The following GRIN3A variants were observed in gnomAD, a reference collection of about 807,000 sequenced individuals.
GRIN3A encodes the protein glutamate ionotropic receptor NMDA type subunit 3A, also known as glutamate receptor ionotropic, NMDA 3A.
A neutral mutation model predicts 92.4 loss-of-function variants in GRIN3A; 47 were observed. The observed-to-expected ratio is 0.51, with a 90% CI of 0.40 to 0.65. GRIN3A has a LOEUF of 0.65. GRIN3A is among the 30% of genes least tolerant of loss of function. The pLI is 0.00. For synonymous variants in GRIN3A, 527 were observed against 540.6 expected (o/e 0.97, Z 0.35); for missense variants, 1,324 against 1,393.1 (o/e 0.95, Z 0.79).
chr9:101,703,362 T>C (rs1250451949), intron 1 of GRIN3A, among the ~76,000 whole-genome samples: 1 of 152,198 alleles, frequency 6.6e-6, no homozygotes, highest in Non-Finnish European at 1.5e-5. Flanking sequence ...TAGATCACTA[T>C]GCGGCTGATT....
intron 6 of GRIN3A, among the ~76,000 whole-genome samples, chr9:101,580,160 C>T (rs1395754467): frequency 6.6e-6 from 1 of 152,176 alleles, no homozygotes; most frequent in Non-Finnish European, 1.5e-5. Flanking sequence ...TCAGCCACCC[C>T]ACTCAGCATA....
At chr9:101,717,489 A>G (rs1829962177) in intron 1 of GRIN3A, among the ~76,000 whole-genome samples, 1 of 152,194 alleles carries the variant, frequency 6.6e-6, no homozygotes. Flanking sequence ...AAACCTAAAG[A>G]GTCGTACTTA....
chr9:101,584,767 A>G (rs1827929425), intron 6 of GRIN3A, among the ~76,000 whole-genome samples: 1 of 152,236 alleles, frequency 6.6e-6, no homozygotes, highest in East Asian at 1.9e-4. Context: ...AGTAACATGT[A>G]TAGGATAAGA....
chr9:101,609,099 T>A (rs975715971), intron 6 of GRIN3A, among the ~76,000 whole-genome samples: 3 of 152,228 alleles, frequency 2.0e-5, no homozygotes, highest in African/African-American at 7.2e-5. Flanking sequence ...GATTTGACCC[T>A]GTGTTTCAAG....
chr9:101,658,816 T>C (rs1313981045), intron 3 of GRIN3A, among the ~76,000 whole-genome samples: 1 of 149,374 alleles, frequency 6.7e-6, no homozygotes, highest in Non-Finnish European at 1.5e-5. Flanking sequence ...AGTAGGCTTG[T>C]ATTCAGTTGT....
chr9:101,659,990 C>G (rs1476425254), intron 3 of GRIN3A, among the ~76,000 whole-genome samples: 1 of 151,840 alleles, frequency 6.6e-6, no homozygotes, highest in Non-Finnish European at 1.5e-5. Flanking sequence ...CCTATGGTTT[C>G]TTGAATTGGA....
At chr9:101,583,425 C>G (rs1173152894) in intron 6 of GRIN3A, among the ~76,000 whole-genome samples, 1 of 152,168 alleles carries the variant, frequency 6.6e-6, no homozygotes, top group African/African-American at 2.4e-5. Context: ...AGCGGTTCCT[C>G]CCCTAGGATC....
intron 3 of GRIN3A, among the ~76,000 whole-genome samples, chr9:101,654,513 A>G (rs922272520): frequency 6.6e-6 from 1 of 151,604 alleles, no homozygotes; most frequent in African/African-American, 2.4e-5. Flanking sequence ...TATACAAATT[A>G]TTTTCTGATC....
At chr9:101,580,844 T>G (rs932571142) in intron 6 of GRIN3A, among the ~76,000 whole-genome samples, 1 of 152,224 alleles carries the variant, frequency 6.6e-6, no homozygotes, top group African/African-American at 2.4e-5. Flanking sequence ...CTCTTTCTGC[T>G]CTACTGCTAT....
chr9:101,649,102 G>A (rs1348609679), intron 3 of GRIN3A, among the ~76,000 whole-genome samples: 2 of 151,958 alleles, frequency 1.3e-5, no homozygotes, highest in Non-Finnish European at 2.9e-5. Flanking sequence ...AAGCACCAGA[G>A]CTCAAAAGCT....
intron 6 of GRIN3A, among the ~76,000 whole-genome samples, chr9:101,597,034 CTG>C (rs1299185350): frequency 1.3e-5 from 2 of 152,236 alleles, no homozygotes; most frequent in Non-Finnish European, 2.9e-5. Flanking sequence ...ATTGACCTCT[CTG>C]TGCCTTTCAC....
intron 6 of GRIN3A, among the ~76,000 whole-genome samples, chr9:101,583,141 T>C (rs771575385): frequency 3.3e-5 from 5 of 152,210 alleles, no homozygotes; most frequent in Non-Finnish European, 7.3e-5. Context: ...TAACCTTACT[T>C]ACCCAAGATC....
chr9:101,639,524 T>A (rs1283194002), intron 3 of GRIN3A, among the ~76,000 whole-genome samples: 2 of 152,194 alleles, frequency 1.3e-5, no homozygotes, highest in African/African-American at 4.8e-5. Context: ...CCCTGCAGAC[T>A]GAGCAGGCAG....
intron 3 of GRIN3A, among the ~76,000 whole-genome samples, chr9:101,643,456 G>C (rs1564133646): frequency 6.6e-6 from 1 of 152,160 alleles, no homozygotes; most frequent in East Asian, 1.9e-4. Context: ...CAGTGGTATT[G>C]TAAAATGATT....
chr9:101,708,040 A>C (rs1371343869), intron 1 of GRIN3A, among the ~76,000 whole-genome samples: 3 of 152,214 alleles, frequency 2.0e-5, no homozygotes, highest in Non-Finnish European at 4.4e-5. Context: ...GGTAAGGGCC[A>C]GTCTATGGAA....
At chr9:101,574,271 A>T (rs1298981672) in intron 8 of GRIN3A, among the ~76,000 whole-genome samples, 2 of 152,214 alleles carry the variant, frequency 1.3e-5, no homozygotes, top group African/African-American at 4.8e-5. Flanking sequence ...CCAAATAGTC[A>T]CAGGGGAAGG....
chr9:101,703,746 A>G (rs1158669236), intron 1 of GRIN3A, among the ~76,000 whole-genome samples: 1 of 152,158 alleles, frequency 6.6e-6, no homozygotes, highest in East Asian at 1.9e-4. Context: ...ATTTCTCAGA[A>G]ATTGTCCTTG....
At position 101,571,209 on chromosome 9, in the gene GRIN3A, C is replaced by G. The variant is rs897825664; in HGVS notation, c.*1965G>C. On this transcript the variant is annotated 3_prime_UTR_variant, in exon 9 of 9. Coordinates refer to ENST00000361820, the MANE Select transcript of GRIN3A (RefSeq NM_133445.3). ...TTTCCTCATTATTGAACTGTTTCAT[C>G]TGTGGAGTTGGTGACCTCTAACTTT... 2 of 152,162 alleles carry G rather than the reference C, an allele frequency of 1.3e-5. No individual in the cohort carries two copies. Among genetic ancestry groups the G allele is most frequent in the African/African-American group, 4.8e-5 (2 of 41,430 alleles). 9.4% of individuals were successfully genotyped at this position (152,162 alleles called of 1,614,324 possible).
In GRIN3A at chr9:101,573,249, C is replaced by G. The variant is rs765285939; in HGVS notation, c.3273G>C (p.Gln1091His). 1.5e-5 allele frequency: 24 copies of G among 1,614,032 alleles called. 1 individual carries two copies. The East Asian group carries it at 2.7e-4, about 18-fold the overall frequency. Reference protein sequence around the residue: ...ELEKQIQVIRQELQLAVSRKT... With the variant: ...ELEKQIQVIRHELQLAVSRKT... Reference sequence around the variant, plus strand: ...TCCTGCTCACAGCCAGCTGCAGCTCCTGACGGATCACCTGAATCTGCTTCT... The same window carrying G: ...TCCTGCTCACAGCCAGCTGCAGCTCGTGACGGATCACCTGAATCTGCTTCT... Residue 1091 changes from glutamine to histidine, a missense_variant, in exon 9 of 9, where the codon CAG becomes CAC. Coordinates refer to ENST00000361820, the MANE Select transcript of GRIN3A (RefSeq NM_133445.3).
Sources: allele counts gnomAD v4.1 joint callset (sites outside exome capture counted in the v4.1 genomes callset), GRCh38; gene constraint gnomAD v4.1.1; transcripts MANE v1.5; gene names NCBI Gene and HGNC (gene_info 2026-07-23, HGNC 2026-07-21).